Variants in RAB4A observed in about 807,000 individuals in gnomAD.
RAB4A encodes ras-related protein Rab-4A.
Under a neutral mutation model 34.5 loss-of-function variants are expected in RAB4A, and 20 were observed. That is an observed-to-expected ratio of 0.58 (90% CI 0.41 to 0.84). The LOEUF (loss-of-function observed/expected upper bound fraction) is 0.84. Ranked by LOEUF, RAB4A falls within the 40% of genes least tolerant of loss-of-function variation. RAB4A has a pLI of 0.00. For synonymous variants in RAB4A, 102 were observed against 100.0 expected (o/e 1.02, Z -0.12); for missense variants, 228 against 274.5 (o/e 0.83, Z 1.20).
chr1:229,276,195 C>T (rs919358212), intron 1 of RAB4A, among the ~76,000 whole-genome samples: 2 of 151,236 alleles, frequency 1.3e-5, no homozygotes, highest in African/African-American at 2.5e-5. Context: ...GCACCAGTGG[C>T]TTATCAAACT....
chr1:229,278,053 C>T (rs149071327), intron 1 of RAB4A, among the ~76,000 whole-genome samples: 9 of 152,138 alleles, frequency 5.9e-5, no homozygotes, highest in Non-Finnish European at 1.2e-4. Flanking sequence ...TTAGTAGAGA[C>T]GGGGTTTCAC....
At chr1:229,296,003 T>C in intron 4 of RAB4A, 93 bp downstream of exon 4, 2 of 1,332,624 alleles carry the variant, frequency 1.5e-6, no homozygotes, top group Non-Finnish European at 2.1e-6. Context: ...AGTGTGTGCT[T>C]TGTGTGTCCA....
rs572466510 is a variant in RAB4A at position 229,305,423 on chromosome 1, A to G, written c.*1630A>G. The G allele has an allele frequency of 1.2e-6, 1 of 854,684 alleles. No homozygotes were observed. Among genetic ancestry groups the G allele is most frequent in the East Asian group, 3.0e-5 (1 of 32,938 alleles). The allele number at this position is 854,684 out of a possible 1,614,324, so 52.9% of individuals were successfully genotyped here. A position where few individuals can be genotyped will look rare whatever the true frequency, so the allele number is the denominator to read the frequency against. ...AATAAGATAAATGTAAAGTTGTTTT[A>G]TAAACGATCCTGTTAATTAAACCAC... is the stretch of plus-strand genomic sequence containing the variant. On this transcript the variant is annotated 3_prime_UTR_variant, in exon 8 of 8. Transcript: ENST00000366690.
chr1:229,277,823 A>G lies in RAB4A; in HGVS notation c.31+6453A>G, dbSNP rs1303411917. 2.6e-5 allele frequency among the ~76,000 whole-genome samples: 4 copies of G among 151,178 alleles called. 1 individual carries two copies. Among genetic ancestry groups the G allele is most frequent in the African/African-American group, 9.9e-5 (4 of 40,548 alleles). ...CATTCTGACCACTCCAACTCCATCC[A>G]GTCTTCACTGTAAGAGCTTCAGGCT... On this transcript the variant is annotated intron_variant, in intron 1 of 7. Transcript: ENST00000366690.
chr1:229,289,644 CT>C (rs1249481710), intron 3 of RAB4A, among the ~76,000 whole-genome samples: 1 of 152,104 alleles, frequency 6.6e-6, no homozygotes, highest in Non-Finnish European at 1.5e-5. Context: ...GGTGTAACCC[CT>C]TCTCTACTAA....
intron 3 of RAB4A, 44 bp downstream of exon 3, chr1:229,288,887 T>A: frequency 8.6e-7 from 1 of 1,165,614 alleles, no homozygotes; most frequent in Non-Finnish European, 1.3e-6. Context: ...AAATTTGATT[T>A]AAAATAATTG....
chr1:229,296,872 A>G (rs1657263442), intron 4 of RAB4A, among the ~76,000 whole-genome samples: 1 of 152,196 alleles, frequency 6.6e-6, no homozygotes, highest in Non-Finnish European at 1.5e-5. Context: ...CATGAGAAGA[A>G]CTCAATCCTT....
chr1:229,296,831 T>C (rs1026754728), intron 4 of RAB4A, among the ~76,000 whole-genome samples: 7 of 152,152 alleles, frequency 4.6e-5, no homozygotes, highest in Non-Finnish European at 8.8e-5. Flanking sequence ...CCTGCTAAAG[T>C]GTGAAGTCAT....
chr1:229,292,428 C>T (rs1037846793), intron 3 of RAB4A, among the ~76,000 whole-genome samples: 1 of 152,136 alleles, frequency 6.6e-6, no homozygotes, highest in East Asian at 1.9e-4. Flanking sequence ...CCTCTAGAAG[C>T]TAGGTGCCTG....
At chr1:229,280,320 C>T (rs939551525) in intron 1 of RAB4A, among the ~76,000 whole-genome samples, 1 of 152,158 alleles carries the variant, frequency 6.6e-6, no homozygotes, top group Non-Finnish European at 1.5e-5. Context: ...TGAAACTCCT[C>T]ATGAAGTTGG....
At chr1:229,284,333 GGTGATCCATCCGCCTCAGTCTCCCAAAGT>G (rs1656867890) in intron 1 of RAB4A, among the ~76,000 whole-genome samples, 3 of 151,788 alleles carry the variant, frequency 2.0e-5, no homozygotes, top group African/African-American at 7.3e-5. Flanking sequence ...TCCTGACTGA[GGTGATCCATCCGCCTCAGTCTCCCAAAGT>G]GCTGGGATTT....
intron 5 of RAB4A, among the ~76,000 whole-genome samples, chr1:229,298,119 G>A (rs956374200): frequency 3.9e-5 from 6 of 152,110 alleles, no homozygotes; most frequent in African/African-American, 1.4e-4. Flanking sequence ...ACATGAAAAT[G>A]CCACATAAAA....
chr1:229,284,568 C>T lies in RAB4A; in HGVS notation c.32-1918C>T, dbSNP rs942054878. On this transcript the variant is annotated intron_variant, in intron 1 of 7. Coordinates refer to ENST00000366690, the MANE Select transcript of RAB4A (RefSeq NM_004578.4). ...TCTTCTCAGCCCTGTGAAGATAGTA[C>T]CCCGTTGCTTTCGGACCTTTGGAAT... 5.3e-5 allele frequency among the ~76,000 whole-genome samples: 8 copies of T among 152,260 alleles called. No homozygotes were observed. The East Asian group carries it at 1.4e-3, about 26-fold the overall frequency.
intron 3 of RAB4A, among the ~76,000 whole-genome samples, chr1:229,291,237 AAGAG>A (rs1223648262): frequency 1.3e-5 from 2 of 152,234 alleles, no homozygotes; most frequent in East Asian, 3.8e-4. Context: ...ATGTGCAAGA[AAGAG>A]GAGGAAGCCA....
rs1656462311 is a variant in RAB4A at position 229,271,296 on chromosome 1, C to T, written c.-44C>T. The T allele has an allele frequency of 3.8e-6, 5 of 1,330,864 alleles. No homozygotes were observed. In the South Asian group the frequency reaches 5.7e-5, roughly 15 times the overall value. 82.4% of individuals were successfully genotyped at this position (1,330,864 alleles called of 1,614,324 possible). On this transcript the variant is annotated 5_prime_UTR_variant, in exon 1 of 8. Transcript: ENST00000366690. ...CCGAGACGCGCCGGCGGACCGCGGGCGAGTGCAGCCGGTGACCCGGCGAGA... is the reference window on the plus strand; with the variant it reads ...CCGAGACGCGCCGGCGGACCGCGGGTGAGTGCAGCCGGTGACCCGGCGAGA...
At chr1:229,302,735 T>A (rs999814224) in intron 6 of RAB4A, 127 bp from the exon 7 acceptor site, 16 of 624,612 alleles carry the variant, frequency 2.6e-5, no homozygotes, top group Non-Finnish European at 4.3e-5. Context: ...TATAGTTTTT[T>A]CCCTTTATTC....
intron 6 of RAB4A, among the ~76,000 whole-genome samples, chr1:229,302,260 TA>T (rs1256989928): frequency 2.5e-4 from 3 of 11,804 alleles, no homozygotes; most frequent in African/African-American, 1.4e-3. Context: ...TAAATAATTA[TA>T]TATATATATA....
rs1277995484 is a variant in RAB4A, at chr1:229,304,090, C to A, written c.*297C>A. 1.3e-5 allele frequency: 2 copies of A among 152,178 alleles called. No individual in the cohort carries two copies. Among genetic ancestry groups the A allele is most frequent in the Admixed American group, 1.3e-4 (2 of 15,272 alleles). The allele number at this position is 152,178 out of a possible 1,614,324, so 9.4% of individuals were successfully genotyped here. On this transcript the variant is annotated 3_prime_UTR_variant, in exon 8 of 8. Transcript: ENST00000366690. Reference sequence around the variant, plus strand: ...CTGTATGTCCTGTAGCCCAGTGCGGCTCCACAGCATGGAATCTGATGTATG... The same window carrying A: ...CTGTATGTCCTGTAGCCCAGTGCGGATCCACAGCATGGAATCTGATGTATG...
intron 1 of RAB4A, 55 bp downstream of exon 1, chr1:229,271,425 G>T: frequency 8.4e-7 from 1 of 1,189,060 alleles, no homozygotes; most frequent in Non-Finnish European, 1.0e-6. Context: ...GGCGTCGGTG[G>T]CGCGGGGCCG....
Sources: gnomAD v4.1 joint callset for allele counts (sites outside exome capture counted in the v4.1 genomes callset) on GRCh38, gnomAD v4.1.1 for gene constraint, MANE v1.5 for transcripts, NCBI Gene and HGNC (gene_info 2026-07-23, HGNC 2026-07-21) for gene names.